FGGY: variants seen among roughly 807,000 people sequenced by gnomAD.
The protein encoded by FGGY is FGGY carbohydrate kinase domain containing.
A neutral mutation model predicts 71.3 loss-of-function variants in FGGY; 72 were observed. That is an observed-to-expected ratio of 1.01 (90% confidence interval 0.84 to 1.23). FGGY has a LOEUF of 1.23. Among genes scored for constraint, FGGY ranks in the 50% most tolerant of loss-of-function variants. The probability of loss-of-function intolerance (pLI) is 0.00; values close to 1 mark genes in which losing one functional copy is unlikely to be tolerated. For missense variants in FGGY, 668 were observed against 682.3 expected (o/e 0.98, Z 0.23); for synonymous variants, 251 against 250.3 (o/e 1.00, Z -0.02).
chr1:59,562,312 C>T (rs1474008163), intron 8 of FGGY, among the ~76,000 whole-genome samples: 3 of 152,000 alleles, frequency 2.0e-5, no homozygotes, highest in African/African-American at 7.3e-5. Context: ...GGGAATGAAC[C>T]ATAATATAAG....
chr1:59,591,027 T>C (rs1345947633), intron 8 of FGGY, among the ~76,000 whole-genome samples: 2 of 152,200 alleles, frequency 1.3e-5, no homozygotes, highest in Non-Finnish European at 2.9e-5. Context: ...CGTGATTGTA[T>C]ATCTAGAAAA....
chr1:59,559,679 G>A (rs1163466210), intron 8 of FGGY, among the ~76,000 whole-genome samples: 1 of 152,122 alleles, frequency 6.6e-6, no homozygotes, highest in African/African-American at 2.4e-5. Flanking sequence ...TACAAGATGA[G>A]CTTGGAGCAT....
intron 9 of FGGY, among the ~76,000 whole-genome samples, chr1:59,621,629 G>A (rs561517773): frequency 2.8e-4 from 43 of 151,044 alleles, no homozygotes; most frequent in Non-Finnish European, 4.9e-4. Flanking sequence ...TTTTCCATCA[G>A]CACCTTAAAA....
chr1:59,359,643 G>T (rs1321635525), intron 4 of FGGY, among the ~76,000 whole-genome samples: 1 of 152,122 alleles, frequency 6.6e-6, no homozygotes, highest in Non-Finnish European at 1.5e-5. Flanking sequence ...ATCCAGAATG[G>T]CCACTCTGGA....
intron 14 of FGGY, among the ~76,000 whole-genome samples, chr1:59,740,687 A>T (rs2098139944): frequency 6.6e-6 from 1 of 152,210 alleles, no homozygotes; most frequent in Non-Finnish European, 1.5e-5. Flanking sequence ...GAGATGGCCC[A>T]CTTATTATCA....
intron 5 of FGGY, among the ~76,000 whole-genome samples, chr1:59,451,832 T>C (rs914936597): frequency 4.6e-5 from 7 of 152,200 alleles, no homozygotes. Flanking sequence ...TCTAGTGTCT[T>C]CTACATTCCA....
intron 1 of FGGY, among the ~76,000 whole-genome samples, chr1:59,314,268 T>TA (rs926047409): frequency 2.6e-5 from 4 of 152,188 alleles, no homozygotes; most frequent in African/African-American, 9.7e-5. Flanking sequence ...CCTGGCCTAA[T>TA]AAAAAAATTT....
chr1:59,629,589 A>G (rs1365882842), intron 10 of FGGY, among the ~76,000 whole-genome samples: 1 of 152,202 alleles, frequency 6.6e-6, no homozygotes, highest in African/African-American at 2.4e-5. Context: ...ATCATCAATG[A>G]ACCTCTTTAA....
At chr1:59,614,329 C>T (rs867270342) in intron 9 of FGGY, among the ~76,000 whole-genome samples, 12 of 152,168 alleles carry the variant, frequency 7.9e-5, no homozygotes, top group African/African-American at 2.9e-4. Flanking sequence ...CCCTGGGATG[C>T]AAGACTGGTT....
chr1:59,761,707 G>A (rs1425051697), intron 15 of FGGY, among the ~76,000 whole-genome samples: 1 of 152,194 alleles, frequency 6.6e-6, no homozygotes, highest in African/African-American at 2.4e-5. Flanking sequence ...GAGAGCAACG[G>A]CCACTGTGAG....
intron 4 of FGGY, among the ~76,000 whole-genome samples, chr1:59,351,754 A>G (rs1267815323): frequency 1.3e-5 from 2 of 152,188 alleles, no homozygotes; most frequent in Non-Finnish European, 2.9e-5. Flanking sequence ...GGATAATATC[A>G]ATAGAACATT....
intron 6 of FGGY, among the ~76,000 whole-genome samples, chr1:59,494,527 C>T (rs1476431125): frequency 6.6e-6 from 1 of 152,124 alleles, no homozygotes; most frequent in Non-Finnish European, 1.5e-5. Context: ...ACCTTGTGAG[C>T]CTTGGAGTAA....
intron 7 of FGGY, among the ~76,000 whole-genome samples, chr1:59,518,740 C>G (rs557233536): frequency 6.6e-6 from 1 of 152,142 alleles, no homozygotes; most frequent in African/African-American, 2.4e-5. Flanking sequence ...TTGCCATGAT[C>G]GTAAGTTTCC....
At chr1:59,729,519 T>G (rs1573770816) in intron 14 of FGGY, among the ~76,000 whole-genome samples, 1 of 152,200 alleles carries the variant, frequency 6.6e-6, no homozygotes, top group Admixed American at 6.5e-5. Context: ...GAAATTGAAC[T>G]GTGTTTAATG....
At chr1:59,309,278 C>T (rs1465900750) in intron 1 of FGGY, among the ~76,000 whole-genome samples, 1 of 152,054 alleles carries the variant, frequency 6.6e-6, no homozygotes, top group East Asian at 1.9e-4. Flanking sequence ...GATTTATATT[C>T]CTACACTATT....
intron 6 of FGGY, among the ~76,000 whole-genome samples, chr1:59,508,798 T>C (rs888576627): frequency 6.6e-6 from 1 of 152,162 alleles, no homozygotes; most frequent in Admixed American, 6.5e-5. Flanking sequence ...AACCACTGGA[T>C]TGAGGAGAAG....
chr1:59,568,611 C>T (rs1185769076), intron 8 of FGGY, among the ~76,000 whole-genome samples: 1 of 152,128 alleles, frequency 6.6e-6, no homozygotes, highest in African/African-American at 2.4e-5. Context: ...TTAGTTACTA[C>T]ACTGTCCGTG....
At chr1:59,589,273 G>A (rs978835528) in intron 8 of FGGY, among the ~76,000 whole-genome samples, 18 of 152,178 alleles carry the variant, frequency 1.2e-4, no homozygotes, top group African/African-American at 4.1e-4. Context: ...ACAGGAGCAC[G>A]CAGTTTCATA....
At chr1:59,592,387 G>C (rs1049425771) in intron 8 of FGGY, among the ~76,000 whole-genome samples, 1 of 152,084 alleles carries the variant, frequency 6.6e-6, no homozygotes, top group Non-Finnish European at 1.5e-5. Context: ...CAATTCCTCA[G>C]GGATCTAGAA....
Sources: gnomAD v4.1 joint callset for allele counts (sites outside exome capture counted in the v4.1 genomes callset) on GRCh38, gnomAD v4.1.1 for gene constraint, MANE v1.5 for transcripts, NCBI Gene and HGNC (gene_info 2026-07-23, HGNC 2026-07-21) for gene names.